HERC1: variants seen among roughly 807,000 people sequenced by gnomAD.
HERC1 encodes HECT and RLD domain containing E3 ubiquitin protein ligase family member 1.
A neutral mutation model predicts 554.3 loss-of-function variants in HERC1; 160 were observed. The observed-to-expected ratio is 0.29, with a 90% CI of 0.25 to 0.33. HERC1 has a LOEUF of 0.33. Among genes scored for constraint, HERC1 ranks in the 10% least tolerant of loss-of-function variants. HERC1 has a pLI of 1.00. For missense variants in HERC1, 4,919 were observed against 5,918.5 expected, an observed-to-expected ratio of 0.83 and a Z score of 5.54; for synonymous variants, 2,175 against 2,131.7, an observed-to-expected ratio of 1.02 and a Z score of -0.56.
rs145458067 is a variant in HERC1, at chr15:63,791,019, G to T, written c.-26-15370C>A. ...AAAATCCTAAAAAAGTTTTTCAAAG[G>T]GTTGACTGTATCTATCACGCTTCTA... On this transcript the variant is annotated intron_variant, in intron 1 of 77. Transcript: ENST00000443617. Among the ~76,000 whole-genome samples the T allele has an allele frequency of 7.4e-3, 1,123 of 151,994 alleles. 14 individuals are homozygous for T. The highest frequency in any genetic ancestry group is 0.026 in the African/African-American group (1,081 of 41,456).
chr15:63,616,196 T>C (rs1394533998), intron 75 of HERC1, among the ~76,000 whole-genome samples: 1 of 151,538 alleles, frequency 6.6e-6, no homozygotes, highest in African/African-American at 2.4e-5. Context: ...GGTTCTTCAC[T>C]CTAACAGGCA....
rs2071275711 is a variant in HERC1, at chr15:63,677,652, G to C, written c.7070+193C>G. Among the ~76,000 whole-genome samples, 3 of 152,174 alleles carry C rather than the reference G, an allele frequency of 2.0e-5. No homozygotes were observed. The highest frequency in any genetic ancestry group is 7.2e-5 in the African/African-American group (3 of 41,434). Reference sequence around the variant, plus strand: ...GACTATGTATTTTTAAAACCCACTAGTATTTCAAAGAACATGGGTTTAGGA... The same window carrying C: ...GACTATGTATTTTTAAAACCCACTACTATTTCAAAGAACATGGGTTTAGGA... On this transcript the variant is annotated intron_variant, in intron 37 of 77. Coordinates refer to ENST00000443617, the MANE Select transcript of HERC1 (RefSeq NM_003922.4). The surrounding 1 kb of genome is among the most constrained non-coding windows in gnomAD (Gnocchi z 4.4).
At chr15:63,807,759 T>A (rs746463334) in intron 1 of HERC1, among the ~76,000 whole-genome samples, 1 of 152,158 alleles carries the variant, frequency 6.6e-6, no homozygotes, top group Non-Finnish European at 1.5e-5. Flanking sequence ...AATTCCTACA[T>A]CACTCAGTTG....
chr15:63,711,474 G>A (rs1219047421), intron 24 of HERC1, among the ~76,000 whole-genome samples: 3 of 152,172 alleles, frequency 2.0e-5, no homozygotes, highest in South Asian at 2.1e-4. Context: ...TAATGCAGAT[G>A]AAGGAGAAAA....
Position 63,692,200 on chromosome 15 carries a change from A to G in HERC1, c.5830+211T>C, listed in dbSNP as rs2072152521. On this transcript the variant is annotated intron_variant, in intron 31 of 77. Transcript: ENST00000443617. This position sits in a 1 kb window ranked among gnomAD's most constrained non-coding sequence, Gnocchi z 4.7. ...GGATGAAGTTCTCTAGATAAATTCTATGATCTTCTCCAGAGCTACATTATT... is the reference window on the plus strand; with the variant it reads ...GGATGAAGTTCTCTAGATAAATTCTGTGATCTTCTCCAGAGCTACATTATT... Among the ~76,000 whole-genome samples the G allele has an allele frequency of 5.3e-5, 8 of 152,260 alleles. No individual in the cohort carries two copies.
intron 54 of HERC1, among the ~76,000 whole-genome samples, chr15:63,649,114 G>C (rs2069517122): frequency 6.6e-6 from 1 of 152,168 alleles, no homozygotes; most frequent in African/African-American, 2.4e-5. Context: ...CAGGACTTTG[G>C]GAGGCCAAGG....
At chr15:63,830,928 T>G (rs569794317) in intron 1 of HERC1, among the ~76,000 whole-genome samples, 2 of 152,318 alleles carry the variant, frequency 1.3e-5, no homozygotes, top group East Asian at 3.9e-4. Context: ...TTTTTCACTT[T>G]TTGTAGTTAA....
intron 40 of HERC1, among the ~76,000 whole-genome samples, chr15:63,668,520 C>T (rs975045874): frequency 6.6e-6 from 1 of 152,126 alleles, no homozygotes; most frequent in Non-Finnish European, 1.5e-5. Context: ...CAAGACCTAA[C>T]TACTACAACA....
intron 55 of HERC1, among the ~76,000 whole-genome samples, chr15:63,646,467 A>C (rs2069344455): frequency 6.6e-6 from 1 of 152,016 alleles, no homozygotes; most frequent in Non-Finnish European, 1.5e-5. Context: ...AAAAATTTTA[A>C]AAGAAACTAG....
chr15:63,722,833 T>C (rs558140311), intron 19 of HERC1, among the ~76,000 whole-genome samples: 2 of 152,310 alleles, frequency 1.3e-5, no homozygotes, highest in South Asian at 2.1e-4. Context: ...ACGTAATGTA[T>C]ATAAGGTACG....
At chr15:63,741,938 T>A (rs1212939782) in intron 12 of HERC1, among the ~76,000 whole-genome samples, 1 of 152,232 alleles carries the variant, frequency 6.6e-6, no homozygotes, top group Non-Finnish European at 1.5e-5. Flanking sequence ...AACTTTCCTC[T>A]TCTTTTTCAA....
chr15:63,751,078 T>C (rs2075226521), intron 8 of HERC1, among the ~76,000 whole-genome samples: 1 of 152,204 alleles, frequency 6.6e-6, no homozygotes, highest in Non-Finnish European at 1.5e-5. Flanking sequence ...AAATAATGTA[T>C]ACTCAAAATC....
chr15:63,717,911 A>C (rs373893519), intron 21 of HERC1, among the ~76,000 whole-genome samples: 12 of 152,250 alleles, frequency 7.9e-5, no homozygotes, highest in East Asian at 3.9e-4. Flanking sequence ...CTTCATTTCC[A>C]ATGGTAGACA....
At position 63,678,014 on chromosome 15, in the gene HERC1, T is replaced by A. The variant is rs1311267220; in HGVS notation, c.6901A>T (p.Ile2301Leu). The stretch of plus-strand genomic sequence containing the variant: ...ACAGCCAGCACGGGCCACACCTCTA[T>A]GCAAAGAGTCCTCAGCTGCAGCTCT... ...LSELQLRTLC[I>L]EVWPVLAVIG... is the part of the protein sequence containing the mutation. The change falls in exon 37 of 78, where the codon ATA becomes TTA. Residue 2301 changes from isoleucine to leucine, a missense_variant. Physicochemically the swap from Ile to Leu is conservative, Grantham distance 5. Around this residue, in one of 11 missense-constraint regions of HERC1, gnomAD observed 1,963 missense variants for 2,228.6 expected, o/e 0.88. Transcript: ENST00000443617. The A allele has an allele frequency of 6.2e-7, 1 of 1,613,968 alleles. No individual in the cohort carries two copies. The highest frequency in any genetic ancestry group is 8.5e-7 in the Non-Finnish European group (1 of 1,179,874).
chr15:63,733,435 GA>G (rs2074377082), intron 13 of HERC1, among the ~76,000 whole-genome samples: 1 of 152,136 alleles, frequency 6.6e-6, no homozygotes, highest in African/African-American at 2.4e-5. Context: ...AGAGGAGTAC[GA>G]AATGCCAATA....
rs1286785435 is a variant in HERC1, at chr15:63,634,761, G to A, written c.12542C>T (p.Thr4181Ile). The A allele has an allele frequency of 6.2e-7, 1 of 1,612,680 alleles. No individual in the cohort carries two copies. Among genetic ancestry groups the A allele is most frequent in the Non-Finnish European group, 8.5e-7 (1 of 1,179,114 alleles). ...TCCAATCTGATATCCCTCCAGTGCA[G>A]TCACTCTCTCTGGAAGTTTTTTGTT... ...TSNKKLPERVTALEGYQIGQV... is the reference protein window; with the variant it reads ...TSNKKLPERVIALEGYQIGQV... Residue 4181 changes from threonine to isoleucine, a missense_variant, in exon 66 of 78, where the codon ACT (threonine) becomes ATT (isoleucine). Thr to Ile is a moderately conservative substitution (Grantham distance 89). Coordinates refer to ENST00000443617, the MANE Select transcript of HERC1 (RefSeq NM_003922.4).
Position 63,775,659 on chromosome 15 carries a change from G to T in HERC1, c.-26-10C>A. On this transcript the variant is annotated splice_polypyrimidine_tract_variant and intron_variant, in intron 1 of 77. Transcript: ENST00000443617. This position sits in a 1 kb window ranked among gnomAD's most constrained non-coding sequence, Gnocchi z 4.0. Reference sequence around the variant, plus strand: ...CCTTCAGCCATTAGTCCTGCAAAGGGAGAAGAGAAAACAGTCAAAAACATA... The same window carrying T: ...CCTTCAGCCATTAGTCCTGCAAAGGTAGAAGAGAAAACAGTCAAAAACATA... The T allele has an allele frequency of 6.7e-7, 1 of 1,493,788 alleles. No individual in the cohort carries two copies. 92.5% of individuals were successfully genotyped at this position (1,493,788 alleles called of 1,614,324 possible).
Position 63,694,466 on chromosome 15 carries a change from T to A in HERC1, c.5326A>T (p.Thr1776Ser). The A allele has an allele frequency of 1.2e-6, 2 of 1,613,970 alleles. No homozygotes were observed. Among genetic ancestry groups the A allele is most frequent in the Non-Finnish European group, 1.7e-6 (2 of 1,179,878 alleles). The part of the protein sequence containing the change: ...QPVDVSLAIS[T>S]GLLNVLSQLC... Reference sequence around the variant, plus strand: ...TGTGACAATACGTTTAGCAGACCAGTGGAAATTGCCAAAGAAACATCTACT... The same window carrying A: ...TGTGACAATACGTTTAGCAGACCAGAGGAAATTGCCAAAGAAACATCTACT... Residue 1776 changes from threonine (T) to serine (S), a missense_variant, in exon 29 of 78, where the codon ACT becomes TCT. Physicochemically the swap from Thr to Ser is moderately conservative, Grantham distance 58 (BLOSUM62 1). This residue lies in a region of HERC1 where 1,121 missense variants were observed against 1,244.0 expected (regional missense o/e 0.90). Coordinates refer to ENST00000443617, the MANE Select transcript of HERC1 (RefSeq NM_003922.4). This position sits in a 1 kb window ranked among gnomAD's most constrained non-coding sequence, Gnocchi z 4.3.
intron 74 of HERC1, among the ~76,000 whole-genome samples, chr15:63,619,839 T>A (rs1289922738): frequency 6.6e-6 from 1 of 152,162 alleles, no homozygotes; most frequent in Non-Finnish European, 1.5e-5. Flanking sequence ...TCGGTGGTGA[T>A]ATCCCCTTTG....
Sources: gnomAD v4.1 joint callset for allele counts (sites outside exome capture counted in the v4.1 genomes callset) on GRCh38, gnomAD v4.1.1 for gene constraint, gnomAD v4.1.1 regional missense constraint, Gnocchi (gnomAD v3.1) non-coding constraint, MANE v1.5 for transcripts, NCBI Gene and HGNC (gene_info 2026-07-23, HGNC 2026-07-21) for gene names.